The following ZNF600 variants were observed in gnomAD, a reference collection of about 807,000 sequenced individuals.
ZNF600 encodes the protein zinc finger protein KR-ZNF1.
Under a neutral mutation model 7.3 loss-of-function variants are expected in ZNF600, and 4 were observed. The observed-to-expected ratio is 0.55, with a 90% CI of 0.27 to 1.25. The LOEUF is 1.25. Ranked by LOEUF, ZNF600 falls within the 50% of genes most tolerant of loss-of-function variation. The pLI is 0.12. For missense variants in ZNF600, 911 were observed against 922.1 expected (o/e 0.99, Z 0.16); for synonymous variants, 290 against 308.9 (o/e 0.94, Z 0.64).
At chr19:52,801,378 G>C in the ZNF600 span, 1 of 1,614,152 alleles carries the variant, frequency 6.2e-7, no homozygotes, top group Non-Finnish European at 8.5e-7. Flanking sequence ...TTTCCCTTCA[G>C]GCTGAAATAT....
chr19:52,775,442 C>G (rs372110298), intron 2 of ZNF600, among the ~76,000 whole-genome samples: 3 of 151,854 alleles, frequency 2.0e-5, no homozygotes, highest in African/African-American at 7.3e-5. Context: ...CCCAGCTACT[C>G]AAGAGGCTGA....
the ZNF600 span, among the ~76,000 whole-genome samples, chr19:52,817,723 C>A: frequency 6.6e-6 from 1 of 152,096 alleles, no homozygotes; most frequent in Non-Finnish European, 1.5e-5. Flanking sequence ...GGGTGTGAGA[C>A]CTTCCCAGGA....
chr19:52,829,081 G>T, the ZNF600 span, among the ~76,000 whole-genome samples: 1 of 152,048 alleles, frequency 6.6e-6, no homozygotes, highest in African/African-American at 2.4e-5. Context: ...AGCCAGGATG[G>T]TCTTCATCTC....
chr19:52,784,992 C>A (rs2062752184), intron 1 of ZNF600, among the ~76,000 whole-genome samples: 1 of 152,172 alleles, frequency 6.6e-6, no homozygotes, highest in Non-Finnish European at 1.5e-5. Flanking sequence ...TTGCCTCAGT[C>A]TCCTAAAGTG....
upstream of ZNF600, among the ~76,000 whole-genome samples, chr19:52,791,138 G>A (rs1157000727): frequency 1.3e-5 from 2 of 152,202 alleles, no homozygotes; most frequent in East Asian, 3.8e-4. Context: ...TAAAGTATAT[G>A]TTTCATATGT....
chr19:52,811,593 G>A, the ZNF600 span, among the ~76,000 whole-genome samples: 1 of 147,330 alleles, frequency 6.8e-6, no homozygotes, highest in African/African-American at 2.6e-5. Context: ...AACCCTGTCT[G>A]GGAGGTGAGG....
chr19:52,786,167 G>A (rs1460572037), intron 1 of ZNF600, among the ~76,000 whole-genome samples: 1 of 150,798 alleles, frequency 6.6e-6, no homozygotes, highest in Non-Finnish European at 1.5e-5. Flanking sequence ...AGCTGGACAG[G>A]AAAGAACACC....
chr19:52,829,277 C>T, the ZNF600 span, among the ~76,000 whole-genome samples: 4 of 151,392 alleles, frequency 2.6e-5, no homozygotes, highest in Non-Finnish European at 5.9e-5. Flanking sequence ...AGGTTAGTTA[C>T]ATATGTATAC....
Position 52,766,228 on chromosome 19 carries a change from T to A in ZNF600, c.1735A>T (p.Arg579Trp). The change falls in exon 4 of 4, where the codon AGG (arginine) becomes TGG (tryptophan). Residue 579 changes from arginine to tryptophan, a missense_variant. Transcript: ENST00000648973. ...CTGCGATGGCTTGCAAGGTATGACC[T>A]CAGACGGAAGGTCTTGCTGCACTCA... The A allele has an allele frequency of 1.9e-6, 3 of 1,613,688 alleles. No homozygotes were observed. The highest frequency in any genetic ancestry group is 1.7e-4 in the Middle Eastern group (1 of 6,056).
chr19:52,782,035 T>C (rs1453610488), intron 1 of ZNF600, among the ~76,000 whole-genome samples: 1 of 152,018 alleles, frequency 6.6e-6, no homozygotes, highest in Non-Finnish European at 1.5e-5. Context: ...CACTCCAGCC[T>C]GGGTGACAGA....
chr19:52,807,982 C>A, the ZNF600 span: 9 of 1,612,430 alleles, frequency 5.6e-6, no homozygotes, highest in South Asian at 3.3e-5. Context: ...TACACAAGGG[C>A]ACATCCCCAG....
At chr19:52,809,679 G>T in the ZNF600 span, 5 of 360,620 alleles carry the variant, frequency 1.4e-5, no homozygotes, top group Admixed American at 1.4e-4. Context: ...GGTGTTGGCT[G>T]CCTGTAATCT....
the ZNF600 span, among the ~76,000 whole-genome samples, chr19:52,820,911 C>A: frequency 4.6e-5 from 7 of 152,126 alleles, no homozygotes; most frequent in East Asian, 1.4e-3. Flanking sequence ...GTCCCTCTCT[C>A]TGTCTCCTGA....
chr19:52,811,560 G>C, the ZNF600 span, among the ~76,000 whole-genome samples: 1 of 148,956 alleles, frequency 6.7e-6, no homozygotes, highest in East Asian at 2.0e-4. Flanking sequence ...TCTGGGATGT[G>C]AGGAGCGCCT....
chr19:52,825,096 G>A, the ZNF600 span, among the ~76,000 whole-genome samples: 1 of 151,992 alleles, frequency 6.6e-6, no homozygotes, highest in Non-Finnish European at 1.5e-5. Context: ...TGGGGGTAGG[G>A]ATGGAATCTT....
chr19:52,829,364 C>T, the ZNF600 span, among the ~76,000 whole-genome samples: 18 of 127,428 alleles, frequency 1.4e-4, no homozygotes, highest in Admixed American at 1.3e-3. Flanking sequence ...ATCCCTCCCC[C>T]CTCCCCCCTA....
the ZNF600 span, chr19:52,801,095 C>G: frequency 6.2e-7 from 1 of 1,614,050 alleles, no homozygotes; most frequent in Non-Finnish European, 8.5e-7. Context: ...GATTAAATAC[C>G]TTGCCATATA....
the ZNF600 span, among the ~76,000 whole-genome samples, chr19:52,828,271 C>T: frequency 3.3e-5 from 5 of 151,996 alleles, no homozygotes; most frequent in Admixed American, 2.0e-4. Flanking sequence ...AGGCTGGTCT[C>T]GAACTCCTGA....
At chr19:52,808,437 A>G in the ZNF600 span, among the ~76,000 whole-genome samples, 9 of 152,122 alleles carry the variant, frequency 5.9e-5, no homozygotes, top group Admixed American at 2.6e-4. Flanking sequence ...TATCTAGATG[A>G]GAGAGAGCAT....
Sources: gnomAD v4.1 joint callset for allele counts (sites outside exome capture counted in the v4.1 genomes callset) on GRCh38, gnomAD v4.1.1 for gene constraint, MANE v1.5 for transcripts, NCBI Gene and HGNC (gene_info 2026-07-23, HGNC 2026-07-21) for gene names.